MALRD1: variants seen among roughly 807,000 people sequenced by gnomAD.
MALRD1 encodes the protein MAM and LDL receptor class A domain containing 1.
Under a neutral mutation model 242.1 loss-of-function variants are expected in MALRD1, and 247 were observed. The observed-to-expected ratio is 1.02, with a 90% CI of 0.92 to 1.13. The LOEUF (loss-of-function observed/expected upper bound fraction) is 1.13. Among genes scored for constraint, MALRD1 ranks in the 50% most tolerant of loss-of-function variants. The probability of loss-of-function intolerance (pLI) is 0.00; values close to 1 mark genes in which losing one functional copy is unlikely to be tolerated. For missense variants in MALRD1, 2,989 were observed against 2,533.1 expected (o/e 1.18, Z -3.86); for synonymous variants, 995 against 866.6 (o/e 1.15, Z -2.60).
rs1055441419 is a variant in MALRD1, at chr10:19,450,382, C to G, written c.4921C>G (p.Leu1641Val). 3.2e-6 allele frequency: 5 copies of G among 1,550,008 alleles called. No homozygotes were observed. The East Asian group carries it at 9.8e-5, about 30-fold the overall frequency. ...PGNHWQKADILLGKLRNFEVI... is the reference protein window; with the variant it reads ...PGNHWQKADIVLGKLRNFEVI... The stretch of plus-strand genomic sequence containing the variant: ...TAATCATTGGCAAAAGGCTGACATC[C>G]TGCTAGGAAAGTTAAGGAATTTTGA... Residue 1641 changes from leucine (L) to valine (V), a missense_variant, in exon 29 of 40, where the codon CTG (leucine) becomes GTG (valine). Physicochemically the swap from Leu to Val is conservative, Grantham distance 32. Coordinates refer to ENST00000454679, the MANE Select transcript of MALRD1 (RefSeq NM_001142308.3).
intron 31 of MALRD1, among the ~76,000 whole-genome samples, chr10:19,501,165 C>T (rs1837949089): frequency 6.6e-6 from 1 of 151,996 alleles, no homozygotes. Context: ...CTGTGGTTAC[C>T]TAAGGAAAGA....
rs184321669 is a variant in MALRD1, at chr10:19,298,993, A to C, written c.3419+15812A>C. 3.3e-5 allele frequency among the ~76,000 whole-genome samples: 5 copies of C among 152,086 alleles called. No individual in the cohort carries two copies. The East Asian group carries it at 7.8e-4, about 24-fold the overall frequency. On this transcript the variant is annotated intron_variant, in intron 21 of 39. Coordinates refer to ENST00000454679, the MANE Select transcript of MALRD1 (RefSeq NM_001142308.3). The stretch of plus-strand genomic sequence containing the variant: ...AAATATTCTTCAAAACTTAAGACAA[A>C]GACTTTTTCAAACAAATGAAACCAA...
In MALRD1 at chr10:19,049,142, G is replaced by A. The variant is rs2131189916; in HGVS notation, c.199+5G>A. ...ATAGCAGTGATGAACGGCACTGTAA[G>A]TGACATTCTCCTTTCTCCAATTTCA... is the stretch of plus-strand genomic sequence containing the variant. On this transcript the variant is annotated splice_donor_5th_base_variant and intron_variant, in intron 1 of 39. Transcript: ENST00000454679. The A allele has an allele frequency of 8.1e-7, 1 of 1,233,894 alleles. No homozygotes were observed. Among genetic ancestry groups the A allele is most frequent in the Admixed American group, 4.2e-5 (1 of 23,728 alleles). The allele number at this position is 1,233,894 out of a possible 1,614,324, so 76.4% of individuals were successfully genotyped here. A position where few individuals can be genotyped will look rare whatever the true frequency, so the allele number is the denominator to read the frequency against.
chr10:19,252,171 C>T lies in MALRD1; in HGVS notation c.2992-5513C>T, dbSNP rs1582065. Among the ~76,000 whole-genome samples the T allele has an allele frequency of 1.7e-3, 261 of 152,118 alleles. 3 individuals are homozygous for T. The South Asian group carries it at 0.02, about 12-fold the overall frequency. ...GCAGCTGACAACCTTGGTGTGGGTG[C>T]ATAATAGGGAGGACTAGTGTCTGCG... On this transcript the variant is annotated intron_variant, in intron 18 of 39. Transcript: ENST00000454679.
chr10:19,533,550 C>T (rs573133017), intron 32 of MALRD1, among the ~76,000 whole-genome samples: 1 of 152,250 alleles, frequency 6.6e-6, no homozygotes, highest in Admixed American at 6.5e-5. Flanking sequence ...GTACAGGAAG[C>T]ATGGCACTGG....
intron 1 of MALRD1, among the ~76,000 whole-genome samples, chr10:19,066,332 A>T (rs1000983517): frequency 6.6e-6 from 1 of 152,220 alleles, no homozygotes; most frequent in Non-Finnish European, 1.5e-5. Flanking sequence ...GTATTGTATT[A>T]TAGATCTTCA....
intron 38 of MALRD1, among the ~76,000 whole-genome samples, chr10:19,728,047 A>G (rs1448538644): frequency 6.6e-6 from 1 of 152,206 alleles, no homozygotes; most frequent in Non-Finnish European, 1.5e-5. Flanking sequence ...AATAAATAGG[A>G]AAGACATTAA....
intron 36 of MALRD1, among the ~76,000 whole-genome samples, chr10:19,670,879 ATTT>A (rs538335690): frequency 3.7e-5 from 5 of 134,250 alleles, no homozygotes; most frequent in Admixed American, 7.5e-5. Context: ...CAAAACAATC[ATTT>A]TTTTTTTTTT....
At chr10:19,167,013 A>G (rs1001962345) in intron 13 of MALRD1, among the ~76,000 whole-genome samples, 1 of 152,200 alleles carries the variant, frequency 6.6e-6, no homozygotes, top group Non-Finnish European at 1.5e-5. Flanking sequence ...TCTGAATATT[A>G]AAGATAATAT....
chr10:19,136,570 A>T lies in MALRD1; in HGVS notation c.1204-4A>T. On this transcript the variant is annotated splice_region_variant and splice_polypyrimidine_tract_variant and intron_variant, in intron 9 of 39. Coordinates refer to ENST00000454679, the MANE Select transcript of MALRD1 (RefSeq NM_001142308.3). The stretch of plus-strand genomic sequence containing the variant: ...CTCATAAATTAATCTTTTCCTTCCT[A>T]AAGATTATTTTTGAAGGGACTCTTT... 8.2e-7 allele frequency: 1 copy of T among 1,226,534 alleles called. No individual in the cohort carries two copies. 76.0% of individuals were successfully genotyped at this position (1,226,534 alleles called of 1,614,324 possible).
Position 19,145,820 on chromosome 10 carries a change from A to C in MALRD1, c.1412-378A>C, listed in dbSNP as rs115796460. 8.3e-3 allele frequency among the ~76,000 whole-genome samples: 1,266 copies of C among 152,156 alleles called. 12 individuals carry two copies. Among genetic ancestry groups the C allele is most frequent in the African/African-American group, 0.029 (1,199 of 41,500 alleles). ...TCAAGTTATTTGTGTGTCCAGAATT[A>C]ATTTAAACTTCCCCCTTCCCAGTGG... On this transcript the variant is annotated intron_variant, in intron 10 of 39. Transcript: ENST00000454679.
chr10:19,202,192 CTA>C (rs1836568678), intron 14 of MALRD1, among the ~76,000 whole-genome samples: 1 of 150,106 alleles, frequency 6.7e-6, no homozygotes, highest in Non-Finnish European at 1.5e-5. Context: ...TGAAGTATAG[CTA>C]TCTCTTGCAT....
At chr10:19,252,255 A>G (rs370456593) in intron 18 of MALRD1, among the ~76,000 whole-genome samples, 3 of 151,982 alleles carry the variant, frequency 2.0e-5, no homozygotes, top group Admixed American at 6.6e-5. Context: ...TTGGCAACCA[A>G]TCTGACTCAA....
At chr10:19,114,237 A>G (rs1836791385) in intron 5 of MALRD1, among the ~76,000 whole-genome samples, 1 of 152,230 alleles carries the variant, frequency 6.6e-6, no homozygotes, top group Admixed American at 6.5e-5. Flanking sequence ...ATCTGGGCCA[A>G]GCATTTCCCA....
intron 36 of MALRD1, among the ~76,000 whole-genome samples, chr10:19,681,989 AC>A (rs1169196214): frequency 6.6e-6 from 1 of 151,552 alleles, no homozygotes; most frequent in East Asian, 1.9e-4. Flanking sequence ...GCACCACCAC[AC>A]CCAGCTAATT....
At chr10:19,082,918 G>A (rs1413125997) in intron 2 of MALRD1, among the ~76,000 whole-genome samples, 1 of 151,968 alleles carries the variant, frequency 6.6e-6, no homozygotes, top group Admixed American at 6.6e-5. Flanking sequence ...CTATAGGCTG[G>A]GAAGTCCAAG....
intron 32 of MALRD1, among the ~76,000 whole-genome samples, chr10:19,539,852 T>TTGTGTGTGTG (rs1589217850): frequency 4.7e-5 from 3 of 64,328 alleles, no homozygotes; most frequent in African/African-American, 1.5e-4. Context: ...ACACCCAGCT[T>TTGTGTGTGTG]TGTGCGTGTG....
At chr10:19,572,943 A>G (rs1394545393) in intron 33 of MALRD1, among the ~76,000 whole-genome samples, 3 of 152,202 alleles carry the variant, frequency 2.0e-5, no homozygotes, top group Non-Finnish European at 2.9e-5. Flanking sequence ...CTCCACAACT[A>G]TGGAAGCATA....
chr10:19,447,943 T>C (rs1835094096), intron 28 of MALRD1, among the ~76,000 whole-genome samples: 1 of 152,200 alleles, frequency 6.6e-6, no homozygotes, highest in South Asian at 2.1e-4. Flanking sequence ...AGATTTGTTG[T>C]TGTTTTGTCA....
Sources: gnomAD v4.1 joint callset for allele counts (sites outside exome capture counted in the v4.1 genomes callset) on GRCh38, gnomAD v4.1.1 for gene constraint, MANE v1.5 for transcripts, NCBI Gene and HGNC (gene_info 2026-07-23, HGNC 2026-07-21) for gene names.